The following TLN2 variants were observed in gnomAD, a reference collection of about 807,000 sequenced individuals.
TLN2 encodes talin 2, also known as talin-2.
Under a neutral mutation model 294.7 loss-of-function variants are expected in TLN2, and 118 were observed. The observed-to-expected ratio is 0.40, with a 90% CI of 0.34 to 0.47. The LOEUF (loss-of-function observed/expected upper bound fraction) is 0.47. Ranked by LOEUF, TLN2 falls within the 20% of genes least tolerant of loss-of-function variation. The pLI is 0.84. For synonymous variants in TLN2, 1,431 were observed against 1,304.5 expected, an observed-to-expected ratio of 1.10 and a Z score of -2.09; for missense variants, 3,083 against 3,282.2, an observed-to-expected ratio of 0.94 and a Z score of 1.48.
At chr15:62,804,209 G>C (rs2066121310) in intron 50 of TLN2, among the ~76,000 whole-genome samples, 1 of 152,172 alleles carries the variant, frequency 6.6e-6, no homozygotes, top group Non-Finnish European at 1.5e-5. Flanking sequence ...TGCATAGGCA[G>C]GCCTAATGGT....
chr15:62,660,841 G>A (rs140069160), intron 9 of TLN2, among the ~76,000 whole-genome samples: 1 of 152,092 alleles, frequency 6.6e-6, no homozygotes, highest in Non-Finnish European at 1.5e-5. Flanking sequence ...CAGTCTATGT[G>A]GCAGATAAGT....
chr15:62,505,493 C>G (rs2039567347), intron 1 of TLN2, among the ~76,000 whole-genome samples: 1 of 152,180 alleles, frequency 6.6e-6, no homozygotes, highest in Non-Finnish European at 1.5e-5. Context: ...TTCCAGAGTT[C>G]CTGTCCTGAG....
intron 1 of TLN2, among the ~76,000 whole-genome samples, chr15:62,478,163 G>A (rs2037887533): frequency 6.6e-6 from 1 of 152,122 alleles, no homozygotes; most frequent in Non-Finnish European, 1.5e-5. Flanking sequence ...GATTTACAGA[G>A]GACAGGACTG....
chr15:62,737,031 C>G lies in TLN2; in HGVS notation c.3512C>G (p.Ala1171Gly), dbSNP rs2061057224. The G allele has an allele frequency of 6.2e-7, 1 of 1,614,066 alleles. No homozygotes were observed. The highest frequency in any genetic ancestry group is 8.5e-7 in the Non-Finnish European group (1 of 1,180,048). ...GGCTCCGCCATGCTCATTCAAGAGG[C>G]CAAGCAGGCCCTGATTGCACCTGGA... Reference protein sequence around the residue: ...MEGSAMLIQEAKQALIAPGDA... With the variant: ...MEGSAMLIQEGKQALIAPGDA... Residue 1171 changes from alanine to glycine, a missense_variant, in exon 29 of 59, where the codon GCC becomes GGC. Physicochemically the swap from Ala to Gly is moderately conservative, Grantham distance 60. Transcript: ENST00000636159.
Position 62,692,854 on chromosome 15 carries a change from T to C in TLN2, c.1128T>C (p.Tyr376=). ...PKSFTLDFGE[Y]QESYYSVQTT... is the part of the protein sequence containing the mutation. ...TGTCTTTTCAGGATTTTGGGGAGTA[T>C]CAGGAAAGCTACTATTCAGTACAAA... Residue 376 remains tyrosine, a synonymous_variant, in exon 13 of 59, where the codon TAT becomes TAC. Coordinates refer to ENST00000636159, the MANE Select transcript of TLN2 (RefSeq NM_015059.3). 6.2e-7 allele frequency: 1 copy of C among 1,613,374 alleles called. No individual in the cohort carries two copies. Among genetic ancestry groups the C allele is most frequent in the Non-Finnish European group, 8.5e-7 (1 of 1,179,788 alleles).
At chr15:62,596,336 T>C (rs1340565279) in intron 2 of TLN2, among the ~76,000 whole-genome samples, 2 of 147,732 alleles carry the variant, frequency 1.4e-5, no homozygotes, top group Non-Finnish European at 3.0e-5. Context: ...ACAAAAAAAA[T>C]ACGTTAACAT....
chr15:62,761,117 A>G (rs948679809), intron 37 of TLN2, among the ~76,000 whole-genome samples: 12 of 152,216 alleles, frequency 7.9e-5, no homozygotes, highest in Non-Finnish European at 2.9e-5. Flanking sequence ...GGTAGTTCTC[A>G]TCTATTCCTT....
At chr15:62,825,721 TATATAA>T (rs1416117349) in intron 54 of TLN2, among the ~76,000 whole-genome samples, 1 of 116,682 alleles carries the variant, frequency 8.6e-6, no homozygotes, top group Non-Finnish European at 1.6e-5. Flanking sequence ...AATATAAATA[TATATAA>T]AAATATATTT....
chr15:62,818,908 T>TGA (rs1445982409), intron 52 of TLN2, among the ~76,000 whole-genome samples: 2 of 151,978 alleles, frequency 1.3e-5, no homozygotes, highest in Non-Finnish European at 2.9e-5. Flanking sequence ...AAGGCTGGAG[T>TGA]GCAGTGATGC....
At chr15:62,761,352 C>T (rs2062652913) in intron 37 of TLN2, among the ~76,000 whole-genome samples, 2 of 152,110 alleles carry the variant, frequency 1.3e-5, no homozygotes, top group African/African-American at 4.8e-5. Flanking sequence ...GGAAAGTAGT[C>T]CCGCTGCATA....
At chr15:62,835,680 G>A (rs541929520) in intron 55 of TLN2, 57 bp from the exon 56 acceptor site, 2 of 1,593,498 alleles carry the variant, frequency 1.3e-6, no homozygotes, top group Non-Finnish European at 8.6e-7. Context: ...GGGATGAGGG[G>A]CTGCGACCAC....
intron 10 of TLN2, among the ~76,000 whole-genome samples, chr15:62,675,013 G>A (rs1327100025): frequency 1.3e-5 from 2 of 152,188 alleles, no homozygotes; most frequent in African/African-American, 4.8e-5. Flanking sequence ...TCAAACTCTG[G>A]TTTGAAATCC....
chr15:62,628,092 T>C (rs1272972559), intron 3 of TLN2, among the ~76,000 whole-genome samples: 1 of 152,260 alleles, frequency 6.6e-6, no homozygotes, highest in East Asian at 1.9e-4. Context: ...TTGACATACA[T>C]AGGTTCTTTA....
intron 1 of TLN2, among the ~76,000 whole-genome samples, chr15:62,468,400 G>T (rs895919815): frequency 6.6e-6 from 1 of 152,194 alleles, no homozygotes; most frequent in Non-Finnish European, 1.5e-5. Flanking sequence ...AAGTTAAGAT[G>T]TTAAGACACT....
intron 1 of TLN2, among the ~76,000 whole-genome samples, chr15:62,456,142 G>T (rs888940449): frequency 6.6e-6 from 1 of 151,996 alleles, no homozygotes; most frequent in African/African-American, 2.4e-5. Context: ...TGATCGTCCG[G>T]GGAGTACCTG....
At chr15:62,761,591 C>T in intron 37 of TLN2, 90 bp from the exon 38 acceptor site, 5 of 1,563,484 alleles carry the variant, frequency 3.2e-6, no homozygotes, top group South Asian at 1.1e-5. Flanking sequence ...TCCGGTTGAA[C>T]CACCTTCTTT....
intron 1 of TLN2, among the ~76,000 whole-genome samples, chr15:62,411,420 G>A (rs946856807): frequency 1.4e-5 from 2 of 141,464 alleles, no homozygotes; most frequent in African/African-American, 5.3e-5. Context: ...TAGAGAGTGT[G>A]AGTAATGGAT....
chr15:62,506,924 G>C, intron 1 of TLN2, among the ~76,000 whole-genome samples: 1 of 152,238 alleles, frequency 6.6e-6, no homozygotes. Context: ...TTTTGCTTAT[G>C]TGTATCTGTC....
intron 1 of TLN2, among the ~76,000 whole-genome samples, chr15:62,427,311 T>A (rs1418190203): frequency 6.6e-6 from 1 of 152,156 alleles, no homozygotes; most frequent in East Asian, 1.9e-4. Context: ...CCAGCACAGA[T>A]CTATGGCTGG....
Sources: allele counts gnomAD v4.1 joint callset (sites outside exome capture counted in the v4.1 genomes callset), GRCh38; gene constraint gnomAD v4.1.1; transcripts MANE v1.5; gene names NCBI Gene and HGNC (gene_info 2026-07-23, HGNC 2026-07-21).